ZNF385D: variants seen among roughly 807,000 people sequenced by gnomAD.
ZNF385D encodes zinc finger protein 385D.
ZNF385D carries 15 observed loss-of-function variants against 35.8 expected under a neutral mutation model. The ratio of observed to expected loss-of-function variants is 0.42; its 90% confidence interval spans 0.28 to 0.64. The LOEUF (loss-of-function observed/expected upper bound fraction) is 0.64, where lower values mean the gene tolerates loss of function less well. Among genes scored for constraint, ZNF385D ranks in the 30% least tolerant of loss-of-function variants. The probability of loss-of-function intolerance (pLI) is 0.23; values close to 1 mark genes in which losing one functional copy is unlikely to be tolerated. For missense variants in ZNF385D, 474 were observed against 494.6 expected, an observed-to-expected ratio of 0.96 and a Z score of 0.39; for synonymous variants, 212 against 186.8, an observed-to-expected ratio of 1.13 and a Z score of -1.10.
chr3:22,353,301 A>T (rs7635039), intron 2 of ZNF385D, among the ~76,000 whole-genome samples: 47,866 of 152,068 alleles, frequency 0.31, 8,318 homozygotes, highest in African/African-American at 0.44. Context: ...TGCCCTTGGC[A>T]CTGCCTCTTT....
At chr3:21,863,770 G>A (rs958385386) in intron 3 of ZNF385D, among the ~76,000 whole-genome samples, 1 of 152,146 alleles carries the variant, frequency 6.6e-6, no homozygotes, top group Non-Finnish European at 1.5e-5. Flanking sequence ...TTTAAGGCAG[G>A]ACTCATGTTG....
chr3:21,477,154 T>C (rs1056674703), intron 4 of ZNF385D, among the ~76,000 whole-genome samples: 1 of 151,990 alleles, frequency 6.6e-6, no homozygotes, highest in Admixed American at 6.6e-5. Context: ...TTGAGGAGGG[T>C]GGATCACTTG....
At chr3:22,096,194 T>C (rs1227337561) in intron 3 of ZNF385D, among the ~76,000 whole-genome samples, 1 of 151,762 alleles carries the variant, frequency 6.6e-6, no homozygotes, top group African/African-American at 2.4e-5. Flanking sequence ...GAGACAAGGG[T>C]TGAAAAACCG....
chr3:21,493,677 T>C (rs1208444396), intron 4 of ZNF385D, among the ~76,000 whole-genome samples: 1 of 151,412 alleles, frequency 6.6e-6, no homozygotes, highest in Non-Finnish European at 1.5e-5. Context: ...TTGGCCAGAG[T>C]GGTCTTGAAC....
intron 3 of ZNF385D, among the ~76,000 whole-genome samples, chr3:22,111,972 T>A (rs571964248): frequency 1.3e-5 from 2 of 152,096 alleles, no homozygotes; most frequent in South Asian, 2.1e-4. Context: ...CGTTAAAAAA[T>A]AGAAAAGTCG....
intron 3 of ZNF385D, among the ~76,000 whole-genome samples, chr3:21,800,686 G>C (rs1321083726): frequency 1.3e-5 from 2 of 152,046 alleles, no homozygotes; most frequent in Non-Finnish European, 2.9e-5. Context: ...GCTTTTCTAA[G>C]TTCCTCTTTG....
At chr3:21,668,706 A>G (rs1419120466) in intron 1 of ZNF385D, among the ~76,000 whole-genome samples, 6 of 152,186 alleles carry the variant, frequency 3.9e-5, no homozygotes, top group Admixed American at 2.6e-4. Flanking sequence ...ACTTGTACCA[A>G]TCTGTACTTG....
At chr3:22,014,111 G>A (rs961584935) in intron 3 of ZNF385D, among the ~76,000 whole-genome samples, 4 of 152,010 alleles carry the variant, frequency 2.6e-5, no homozygotes, top group Admixed American at 6.6e-5. Flanking sequence ...AGAGTTTCAA[G>A]ATGCTATCAT....
intron 3 of ZNF385D, among the ~76,000 whole-genome samples, chr3:21,883,387 T>C (rs566004770): frequency 1.3e-5 from 2 of 152,094 alleles, no homozygotes; most frequent in South Asian, 2.1e-4. Context: ...ACCAGACAAA[T>C]GTCTCACCAA....
intron 2 of ZNF385D, among the ~76,000 whole-genome samples, chr3:21,651,607 C>A (rs1358286536): frequency 6.6e-6 from 1 of 151,136 alleles, no homozygotes; most frequent in Non-Finnish European, 1.5e-5. Flanking sequence ...TAGAATAATG[C>A]CATTTATATA....
chr3:21,535,775 T>C (rs556159503), intron 3 of ZNF385D, among the ~76,000 whole-genome samples: 32 of 152,190 alleles, frequency 2.1e-4, no homozygotes, highest in Admixed American at 3.3e-4. Context: ...ATGTGCCCAC[T>C]GTTTCACATG....
At chr3:22,185,670 C>G (rs763467487) in intron 2 of ZNF385D, among the ~76,000 whole-genome samples, 4 of 152,136 alleles carry the variant, frequency 2.6e-5, no homozygotes, top group Admixed American at 2.6e-4. Context: ...GATTCACCAT[C>G]TTGGCCAGGC....
chr3:22,241,879 C>T (rs1166225887), intron 2 of ZNF385D, among the ~76,000 whole-genome samples: 1 of 150,778 alleles, frequency 6.6e-6, no homozygotes, highest in African/African-American at 2.5e-5. Flanking sequence ...GAATATAGTA[C>T]TTATTTTCAC....
At chr3:22,299,682 ACT>A (rs1211833111) in intron 2 of ZNF385D, among the ~76,000 whole-genome samples, 2 of 151,762 alleles carry the variant, frequency 1.3e-5, no homozygotes, top group African/African-American at 4.8e-5. Flanking sequence ...CTAATAACAA[ACT>A]CTCTGAAAAA....
intron 3 of ZNF385D, among the ~76,000 whole-genome samples, chr3:21,983,655 T>G (rs1407913364): frequency 9.2e-6 from 1 of 108,178 alleles, no homozygotes; most frequent in East Asian, 2.7e-4. Context: ...AGCAGCATGA[T>G]TTATAGTCAT....
At chr3:22,196,065 G>A (rs12637485) in intron 2 of ZNF385D, among the ~76,000 whole-genome samples, 1 of 151,794 alleles carries the variant, frequency 6.6e-6, no homozygotes, top group East Asian at 1.9e-4. Context: ...GAAAAATAAC[G>A]AATGGATAGT....
intron 3 of ZNF385D, among the ~76,000 whole-genome samples, chr3:21,756,449 CTTA>C (rs1376131830): frequency 6.6e-6 from 1 of 151,820 alleles, no homozygotes; most frequent in African/African-American, 2.4e-5. Flanking sequence ...GTTTGTCATT[CTTA>C]TTATATCCAA....
At position 22,261,384 on chromosome 3, in the gene ZNF385D, A is replaced by G. The variant is rs76304074; in HGVS notation, c.107-92349T>C. On this transcript the variant is annotated intron_variant, in intron 2 of 5. Coordinates refer to the ZNF385D transcript ENST00000494108. ...TGCATTGTGTGGCATTAGGATTGAG[A>G]AGAGGTTGAATTAGCTTGGTAAGGC... is the stretch of plus-strand genomic sequence containing the variant. Among the ~76,000 whole-genome samples the G allele has an allele frequency of 9.6e-3, 1,462 of 152,176 alleles. 16 individuals carry two copies. The highest frequency in any genetic ancestry group is 0.033 in the African/African-American group (1,364 of 41,556).
chr3:21,767,641 A>C (rs2070888160), intron 3 of ZNF385D, among the ~76,000 whole-genome samples: 1 of 151,844 alleles, frequency 6.6e-6, no homozygotes, highest in Admixed American at 6.6e-5. Flanking sequence ...GGATGGATGA[A>C]TGAATTGATG....
Sources: allele counts gnomAD v4.1 joint callset (sites outside exome capture counted in the v4.1 genomes callset), GRCh38; gene constraint gnomAD v4.1.1; transcripts MANE v1.5; gene names NCBI Gene and HGNC (gene_info 2026-07-23, HGNC 2026-07-21).